The following BPIFA3 variants were observed in gnomAD, a reference collection of about 807,000 sequenced individuals.
BPIFA3 encodes the protein BPI fold containing family A member 3, also known as BPI fold-containing family A member 3.
A neutral mutation model predicts 29.7 loss-of-function variants in BPIFA3; 32 were observed. The observed-to-expected ratio is 1.08, with a 90% CI of 0.81 to 1.45. BPIFA3 has a LOEUF of 1.45. BPIFA3 is among the 40% of genes most tolerant of loss of function. The probability of loss-of-function intolerance (pLI) is 0.00; values close to 1 mark genes in which losing one functional copy is unlikely to be tolerated. For synonymous variants in BPIFA3, 112 were observed against 113.7 expected (o/e 0.98, Z 0.10); for missense variants, 323 against 311.3 (o/e 1.04, Z -0.28).
At chr20:33,223,383 T>C (rs1985617718) in intron 1 of BPIFA3, 1 of 155,926 alleles carries the variant, frequency 6.4e-6, no homozygotes, top group Non-Finnish European at 1.4e-5. Flanking sequence ...TATTCCTTTC[T>C]GGTGGAAGCT....
chr20:33,222,617 T>C (rs1985576130), intron 1 of BPIFA3, among the ~76,000 whole-genome samples: 1 of 131,594 alleles, frequency 7.6e-6, no homozygotes, highest in Admixed American at 6.9e-5. Flanking sequence ...AGTGGATGGA[T>C]GGATGGATGA....
chr20:33,227,059 G>T, intron 6 of BPIFA3, 66 bp downstream of exon 6: 1 of 1,461,304 alleles, frequency 6.8e-7, no homozygotes, highest in South Asian at 1.1e-5. Context: ...AGGTACCCCC[G>T]GCCCTGGAGC....
chr20:33,223,179 G>A (rs1487842581), intron 1 of BPIFA3, among the ~76,000 whole-genome samples: 2 of 152,166 alleles, frequency 1.3e-5, no homozygotes, highest in East Asian at 3.9e-4. Flanking sequence ...GGTTTCTGCT[G>A]CTCTGGAGTA....
At position 33,217,369 on chromosome 20, in the gene BPIFA3, G is replaced by A. The variant is rs151052539; in HGVS notation, c.-168G>A. On this transcript the variant is annotated 5_prime_UTR_variant, in exon 1 of 7. The change creates a new upstream start codon in the 5' untranslated region. Transcript: ENST00000375454. The stretch of plus-strand genomic sequence containing the variant: ...GCTCTCCCAATGTGAGCAAGCCCTG[G>A]TGGCAGCGCCAGGGTCCAGTGCAGC... 1,753 of 785,792 alleles carry A rather than the reference G, an allele frequency of 2.2e-3. 3 individuals carry two copies. The highest frequency in any genetic ancestry group is 2.8e-3 in the Non-Finnish European group (1,515 of 531,692). 48.7% of individuals were successfully genotyped at this position (785,792 alleles called of 1,614,324 possible). A position where few individuals can be genotyped will look rare whatever the true frequency, so the allele number is the denominator to read the frequency against.
intron 2 of BPIFA3, 118 bp from the exon 3 acceptor site, chr20:33,224,237 A>G: frequency 1.1e-6 from 1 of 894,332 alleles, no homozygotes; most frequent in Non-Finnish European, 1.7e-6. Flanking sequence ...AAAGAATCAC[A>G]GTCCAAATCC....
At chr20:33,226,855 G>A (rs562367753) in intron 5 of BPIFA3, 75 bp from the exon 6 acceptor site, 3 of 1,588,692 alleles carry the variant, frequency 1.9e-6, no homozygotes, top group East Asian at 2.2e-5. Flanking sequence ...TGGAGTTGAA[G>A]TTTCCTGCCA....
At chr20:33,220,461 T>C (rs1341729002) in intron 1 of BPIFA3, among the ~76,000 whole-genome samples, 1 of 152,078 alleles carries the variant, frequency 6.6e-6, no homozygotes, top group Non-Finnish European at 1.5e-5. Flanking sequence ...TTAAAGAGAG[T>C]TGATATTTTA....
At chr20:33,223,735 C>T (rs73111612) in intron 1 of BPIFA3, 76 bp from the exon 2 acceptor site, 18,336 of 1,529,764 alleles carry the variant, frequency 0.012, 156 homozygotes, top group South Asian at 0.016. Flanking sequence ...CAGCCTGCAA[C>T]CCAGGCCTCC....
intron 5 of BPIFA3, 167 bp from the exon 6 acceptor site, chr20:33,226,763 G>T: frequency 2.8e-6 from 2 of 707,088 alleles, no homozygotes; most frequent in Non-Finnish European, 4.8e-6. Context: ...GCGTCGAAGT[G>T]TTGTGCATGA....
intron 2 of BPIFA3, 54 bp downstream of exon 2, chr20:33,224,015 C>T (rs760156958): frequency 2.1e-5 from 33 of 1,588,640 alleles, no homozygotes; most frequent in Non-Finnish European, 2.8e-5. Context: ...AGCTCTAGAT[C>T]GAAGGGTAGA....
At chr20:33,218,391 C>G (rs1484514718) in intron 1 of BPIFA3, among the ~76,000 whole-genome samples, 1 of 152,218 alleles carries the variant, frequency 6.6e-6, no homozygotes, top group Admixed American at 6.5e-5. Context: ...AATGAGCATA[C>G]CTGTCTCCCC....
chr20:33,222,588 A>T (rs1985567979), intron 1 of BPIFA3, among the ~76,000 whole-genome samples: 1 of 133,422 alleles, frequency 7.5e-6, no homozygotes, highest in Admixed American at 6.8e-5. Flanking sequence ...GGATGGATGG[A>T]TGGATGGATG....
chr20:33,217,552 T>G lies in BPIFA3; in HGVS notation c.16T>G (p.Trp6Gly). Residue 6 changes from tryptophan to glycine, a missense_variant, in exon 1 of 7, where the codon TGG (tryptophan) becomes GGG (glycine). Trp to Gly is a radical substitution (Grantham distance 184). Transcript: ENST00000375454. ...CCCAGACCCTATGATGTGTCCACTC[T>G]GGAGGCTCCTCATCTTCCTCGGGTT... MMCPL[W>G]RLLIFLGLLA... is the part of the protein sequence containing the mutation. The G allele has an allele frequency of 6.2e-7, 1 of 1,614,190 alleles. No individual in the cohort carries two copies. Among genetic ancestry groups the G allele is most frequent in the Non-Finnish European group, 8.5e-7 (1 of 1,180,008 alleles).
chr20:33,219,717 A>G (rs1985421995), intron 1 of BPIFA3, among the ~76,000 whole-genome samples: 1 of 152,162 alleles, frequency 6.6e-6, no homozygotes, highest in Non-Finnish European at 1.5e-5. Context: ...TACACCAATA[A>G]CATAATATTG....
In BPIFA3 at chr20:33,219,829, C is replaced by T. The variant is rs1246186442; in HGVS notation, c.127+2166C>T. Among the ~76,000 whole-genome samples, 4 of 152,132 alleles carry T rather than the reference C, an allele frequency of 2.6e-5. No individual in the cohort carries two copies. In the East Asian group the frequency reaches 7.7e-4, roughly 29 times the overall value. ...AGTTCCTTTAAAAAATTCGTCTGGC[C>T]GAGCACGGTGGCTCCCTAGCACTTT... On this transcript the variant is annotated intron_variant, in intron 1 of 6. Transcript: ENST00000375454.
intron 1 of BPIFA3, 49 bp from the exon 2 acceptor site, chr20:33,223,759 CCCA>C (rs1985634154): frequency 5.7e-6 from 9 of 1,574,972 alleles, no homozygotes; most frequent in Non-Finnish European, 6.9e-6. Flanking sequence ...TCCCAAGCCC[CCCA>C]CCTTTTCCGT....
chr20:33,218,857 C>A (rs1416731779), intron 1 of BPIFA3, among the ~76,000 whole-genome samples: 2 of 151,836 alleles, frequency 1.3e-5, no homozygotes, highest in Non-Finnish European at 2.9e-5. Context: ...TTTAGCTTGA[C>A]TTTATCTGGT....
chr20:33,223,764 C>T (rs910508138), intron 1 of BPIFA3, 47 bp from the exon 2 acceptor site: 1 of 1,578,504 alleles, frequency 6.3e-7, no homozygotes, highest in Non-Finnish European at 8.7e-7. Context: ...AGCCCCCCAC[C>T]TTTTCCGTGA....
rs1985805874 is a variant in BPIFA3, at chr20:33,226,914, T to C, written c.622-16T>C. 1 of 1,614,128 alleles carries C rather than the reference T, an allele frequency of 6.2e-7. No individual in the cohort carries two copies. Among genetic ancestry groups the C allele is most frequent in the Admixed American group, 1.7e-5 (1 of 60,026 alleles). ...CAGCCCCTGGCCTGATCCTTCTCTC[T>C]GTGCTGATGGTCCAGGTATGTCCTC... On this transcript the variant is annotated splice_polypyrimidine_tract_variant and intron_variant, in intron 5 of 6. Coordinates refer to ENST00000375454, the MANE Select transcript of BPIFA3 (RefSeq NM_178466.5).
Sources: gnomAD v4.1 joint callset for allele counts (sites outside exome capture counted in the v4.1 genomes callset) on GRCh38, gnomAD v4.1.1 for gene constraint, MANE v1.5 for transcripts, NCBI Gene and HGNC (gene_info 2026-07-23, HGNC 2026-07-21) for gene names.